The following TRAPPC9 variants were observed in gnomAD, a reference collection of about 807,000 sequenced individuals.
The protein encoded by TRAPPC9 is trafficking protein particle complex subunit 9.
TRAPPC9 carries 83 observed loss-of-function variants against 124.0 expected under a neutral mutation model. The observed-to-expected ratio is 0.67, with a 90% CI of 0.56 to 0.80. TRAPPC9 has a LOEUF of 0.80. Ranked by LOEUF, TRAPPC9 falls within the 30% of genes least tolerant of loss-of-function variation. The probability of loss-of-function intolerance (pLI) is 0.00; values close to 1 mark genes in which losing one functional copy is unlikely to be tolerated. For missense variants in TRAPPC9, 1,302 were observed against 1,508.3 expected, an observed-to-expected ratio of 0.86 and a Z score of 2.27; for synonymous variants, 638 against 617.5, an observed-to-expected ratio of 1.03 and a Z score of -0.49.
rs1269032604 is a variant in TRAPPC9, at chr8:140,294,158, C to T, written c.1769-3080G>A. Reference sequence around the variant, plus strand: ...ACACTCTTTTCACCCTACTGCTTCACCTCTCAGGACCCCAGAAACTCAGGT... The same window carrying T: ...ACACTCTTTTCACCCTACTGCTTCATCTCTCAGGACCCCAGAAACTCAGGT... On this transcript the variant is annotated intron_variant, in intron 11 of 22. Transcript: ENST00000438773. 2.6e-5 allele frequency among the ~76,000 whole-genome samples: 4 copies of T among 152,182 alleles called. No homozygotes were observed. In the East Asian group the frequency reaches 7.7e-4, roughly 29 times the overall value.
At chr8:140,007,226 G>A (rs1304315506) in intron 18 of TRAPPC9, among the ~76,000 whole-genome samples, 2 of 152,204 alleles carry the variant, frequency 1.3e-5, no homozygotes, top group Non-Finnish European at 2.9e-5. Context: ...GGAGAGCCAT[G>A]AAGAACGCAC....
chr8:140,050,617 G>A (rs1291891554), intron 17 of TRAPPC9, among the ~76,000 whole-genome samples: 3 of 152,136 alleles, frequency 2.0e-5, no homozygotes, highest in South Asian at 2.1e-4. Flanking sequence ...CGGGACTCAG[G>A]ACACCCTTCC....
At chr8:139,959,977 G>A (rs1455918042) in intron 19 of TRAPPC9, among the ~76,000 whole-genome samples, 6 of 152,294 alleles carry the variant, frequency 3.9e-5, no homozygotes, top group Middle Eastern at 6.8e-3. Flanking sequence ...AGGAGGCGGC[G>A]GCGAGAGGCT....
At chr8:139,927,692 A>G (rs533482322) in intron 19 of TRAPPC9, among the ~76,000 whole-genome samples, 2 of 152,384 alleles carry the variant, frequency 1.3e-5, no homozygotes, top group South Asian at 4.1e-4. Context: ...TAGCCAAAAA[A>G]GTAGAAACAA....
At position 139,971,686 on chromosome 8, in the gene TRAPPC9, A is replaced by G. The variant is rs558600423; in HGVS notation, c.2810+17040T>C. On this transcript the variant is annotated intron_variant, in intron 19 of 22. Transcript: ENST00000438773. ...GACATGCACTTAACATGAGGAATCA[A>G]TGGCAAGAATGAATGCTAAAGTTCA... 2.4e-3 allele frequency among the ~76,000 whole-genome samples: 363 copies of G among 152,028 alleles called. 2 individuals carry two copies. The highest frequency in any genetic ancestry group is 7.8e-3 in the African/African-American group (323 of 41,426).
intron 17 of TRAPPC9, among the ~76,000 whole-genome samples, chr8:140,185,685 C>T (rs562442162): frequency 1.3e-5 from 2 of 152,184 alleles, no homozygotes; most frequent in Non-Finnish European, 2.9e-5. Flanking sequence ...AAGCCTCCAC[C>T]AGCGAGGGGC....
intron 21 of TRAPPC9, among the ~76,000 whole-genome samples, chr8:139,854,346 G>C (rs952123474): frequency 6.6e-6 from 1 of 152,208 alleles, no homozygotes; most frequent in Admixed American, 6.5e-5. Context: ...CATGAATGAC[G>C]CTTTTAGTAC....
chr8:140,081,693 G>A (rs1183989340), intron 17 of TRAPPC9, among the ~76,000 whole-genome samples: 5 of 152,050 alleles, frequency 3.3e-5, no homozygotes, highest in Admixed American at 1.3e-4. Context: ...AAGGCATTTC[G>A]CATAAAAACA....
chr8:139,937,321 GA>G (rs1296813232), intron 19 of TRAPPC9, among the ~76,000 whole-genome samples: 4 of 152,222 alleles, frequency 2.6e-5, no homozygotes, highest in Admixed American at 1.3e-4. Flanking sequence ...TGCGGGCCCA[GA>G]GAGGGAGGTA....
Position 140,023,472 on chromosome 8 carries a change from G to A in TRAPPC9, c.2699+465C>T, listed in dbSNP as rs151204880. On this transcript the variant is annotated intron_variant, in intron 18 of 22. Coordinates refer to ENST00000438773, the MANE Select transcript of TRAPPC9 (RefSeq NM_001160372.4). ...TGCGAAGGGCCTCCTGGGCAGAAAT[G>A]ACCTGATGCCAAGATGGCTGGGAGC... is the stretch of plus-strand genomic sequence containing the variant. Among the ~76,000 whole-genome samples the A allele has an allele frequency of 7.9e-5, 12 of 152,356 alleles. No homozygotes were observed. In the East Asian group the frequency reaches 2.1e-3, roughly 27 times the overall value.
In TRAPPC9 at chr8:139,918,173, G is replaced by A. The variant is rs1239944113; in HGVS notation, c.2811-7873C>T. On this transcript the variant is annotated intron_variant, in intron 19 of 22. Coordinates refer to ENST00000438773, the MANE Select transcript of TRAPPC9 (RefSeq NM_001160372.4). ...CTCCTCACTGTAAATTGGAGGTTGC[G>A]TGAGGCCCATTATTTCTTCAGTTTG... Among the ~76,000 whole-genome samples, 5 of 152,206 alleles carry A rather than the reference G, an allele frequency of 3.3e-5. No homozygotes were observed. In the South Asian group the frequency reaches 1.0e-3, roughly 31 times the overall value.
At chr8:140,304,076 C>T (rs2066053596) in intron 10 of TRAPPC9, among the ~76,000 whole-genome samples, 1 of 151,968 alleles carries the variant, frequency 6.6e-6, no homozygotes, top group African/African-American at 2.4e-5. Flanking sequence ...AGGGGCTGAC[C>T]TGCAATGCCT....
At position 140,375,099 on chromosome 8, in the gene TRAPPC9, G is replaced by A. The variant is rs183634841; in HGVS notation, c.1135-3919C>T. ...CCTCAGGACAAAGCCATGTTTGGTC[G>A]ACACAGGCACCTATGGCACAAGGAG... is the stretch of plus-strand genomic sequence containing the variant. On this transcript the variant is annotated intron_variant, in intron 7 of 22. Transcript: ENST00000438773. 1.4e-3 allele frequency among the ~76,000 whole-genome samples: 219 copies of A among 152,276 alleles called. 1 individual carries two copies. The highest frequency in any genetic ancestry group is 5.0e-3 in the African/African-American group (207 of 41,560).
intron 21 of TRAPPC9, among the ~76,000 whole-genome samples, chr8:139,806,968 G>A (rs1014728949): frequency 6.6e-6 from 1 of 152,240 alleles, no homozygotes; most frequent in Non-Finnish European, 1.5e-5. Flanking sequence ...AGGCCAGGAA[G>A]GCCCGAGCAC....
In TRAPPC9 at chr8:140,043,604, C is replaced by T. The variant is rs145090106; in HGVS notation, c.2557-19525G>A. ...TCCATTCACAGCACATCTGAAGGAG[C>T]AGCTCTGCCCTCCAGCCTACAGCAG... On this transcript the variant is annotated intron_variant, in intron 17 of 22. Transcript: ENST00000438773. 4.0e-3 allele frequency among the ~76,000 whole-genome samples: 605 copies of T among 152,350 alleles called. 3 individuals carry two copies. Among genetic ancestry groups the T allele is most frequent in the East Asian group, 8.7e-3 (45 of 5,186 alleles).
At chr8:140,437,821 C>G (rs1156726589) in intron 3 of TRAPPC9, among the ~76,000 whole-genome samples, 4 of 152,114 alleles carry the variant, frequency 2.6e-5, no homozygotes, top group Non-Finnish European at 5.9e-5. Flanking sequence ...AGTCCATCCT[C>G]CCAGGACCAC....
intron 10 of TRAPPC9, among the ~76,000 whole-genome samples, chr8:140,305,920 G>A (rs1263118230): frequency 3.3e-5 from 5 of 152,180 alleles, no homozygotes; most frequent in African/African-American, 9.7e-5. Flanking sequence ...TGCAGAATGC[G>A]GGATAGGAAT....
upstream of TRAPPC9, chr8:140,458,139 G>A (rs2071767095): frequency 2.0e-6 from 3 of 1,472,474 alleles, no homozygotes; most frequent in Admixed American, 2.0e-5. Context: ...GGAGGAAGAG[G>A]AGGAGGGAAG....
chr8:140,176,936 T>C (rs780859915), intron 17 of TRAPPC9, among the ~76,000 whole-genome samples: 159 of 152,344 alleles, frequency 1.0e-3, no homozygotes, highest in Middle Eastern at 3.4e-3. Flanking sequence ...TTATTTGCCA[T>C]GCACGTATCT....
Sources: gnomAD v4.1 joint callset for allele counts (sites outside exome capture counted in the v4.1 genomes callset) on GRCh38, gnomAD v4.1.1 for gene constraint, MANE v1.5 for transcripts, NCBI Gene and HGNC (gene_info 2026-07-23, HGNC 2026-07-21) for gene names.